The following CLIC5 variants were observed in gnomAD, a reference collection of about 807,000 sequenced individuals.
The protein encoded by CLIC5 is chloride intracellular channel protein 5.
CLIC5 carries 20 observed loss-of-function variants against 24.7 expected under a neutral mutation model. The ratio of observed to expected loss-of-function variants is 0.81; its 90% CI spans 0.57 to 1.18. CLIC5 has a LOEUF of 1.18. Among genes scored for constraint, CLIC5 ranks in the 50% most tolerant of loss-of-function variants. CLIC5 has a pLI of 0.00. For missense variants in CLIC5, 341 were observed against 326.1 expected, an observed-to-expected ratio of 1.05 and a Z score of -0.35; for synonymous variants, 159 against 135.6, an observed-to-expected ratio of 1.17 and a Z score of -1.20.
chr6:46,028,739 C>T (rs1395915042), intron 1 of CLIC5, among the ~76,000 whole-genome samples: 1 of 152,146 alleles, frequency 6.6e-6, no homozygotes. Context: ...GCACAGCCTC[C>T]CCCATTATCA....
intron 1 of CLIC5, among the ~76,000 whole-genome samples, chr6:45,968,216 TCTTGGCCAG>T: frequency 6.6e-6 from 1 of 152,154 alleles, no homozygotes; most frequent in African/African-American, 2.4e-5. Context: ...CCTCAGCCAC[TCTTGGCCAG>T]CATGCCTCTC....
upstream of CLIC5, chr6:46,015,985 G>T (rs1690498816): frequency 2.6e-6 from 2 of 783,048 alleles, no homozygotes; most frequent in Non-Finnish European, 3.1e-6. Flanking sequence ...CCCGCCCCAA[G>T]ACCCCGCAGG....
At chr6:46,075,774 C>T (rs138758476) in intron 1 of CLIC5, among the ~76,000 whole-genome samples, 50 of 152,266 alleles carry the variant, frequency 3.3e-4, no homozygotes, top group Non-Finnish European at 1.5e-4. Flanking sequence ...ATCTCTCTCA[C>T]CACCCATCCC....
intron 1 of CLIC5, among the ~76,000 whole-genome samples, chr6:45,979,805 T>C (rs949860142): frequency 6.6e-6 from 1 of 151,350 alleles, no homozygotes; most frequent in Non-Finnish European, 1.5e-5. Flanking sequence ...CATCATAGTA[T>C]GCAAATATTT....
chr6:45,954,318 G>A (rs2127385656), intron 2 of CLIC5, among the ~76,000 whole-genome samples: 1 of 150,126 alleles, frequency 6.7e-6, no homozygotes, highest in South Asian at 2.1e-4. Flanking sequence ...GAAGAAAAAA[G>A]GAGTTCAAGA....
At chr6:46,033,347 A>G (rs1465967624) in intron 1 of CLIC5, among the ~76,000 whole-genome samples, 2 of 151,802 alleles carry the variant, frequency 1.3e-5, no homozygotes, top group Non-Finnish European at 2.9e-5. Context: ...TTAAAGTATT[A>G]TAAGAAAACA....
the CLIC5 span, among the ~76,000 whole-genome samples, chr6:46,114,319 T>C: frequency 6.6e-6 from 1 of 152,218 alleles, no homozygotes; most frequent in South Asian, 2.1e-4. Context: ...TTGATGTGCA[T>C]GCGCAGCCCA....
chr6:45,942,446 A>G (rs1050686290), intron 3 of CLIC5, among the ~76,000 whole-genome samples: 2 of 152,134 alleles, frequency 1.3e-5, no homozygotes, highest in African/African-American at 4.8e-5. Flanking sequence ...CATTAGCCCC[A>G]TCAAAATGAA....
In CLIC5 at chr6:46,062,062, G is replaced by T. The variant is rs188528025; in HGVS notation, c.540+17641C>A. ...GTAGCTGTAGAGCACTTGAGATGTG[G>T]CTGGTGTGACTGAGGAGCTGCATTT... is the stretch of plus-strand genomic sequence containing the variant. On this transcript the variant is annotated intron_variant, in intron 1 of 5. Coordinates refer to the CLIC5 transcript ENST00000185206. Among the ~76,000 whole-genome samples, 430 of 152,340 alleles carry T rather than the reference G, an allele frequency of 2.8e-3. 2 individuals carry two copies. Among genetic ancestry groups the T allele is most frequent in the African/African-American group, 9.9e-3 (410 of 41,572 alleles).
chr6:45,962,623 G>T (rs983879404), intron 1 of CLIC5, among the ~76,000 whole-genome samples: 1 of 152,200 alleles, frequency 6.6e-6, no homozygotes, highest in African/African-American at 2.4e-5. Context: ...CTTGATTCAG[G>T]TAACCTATTA....
At chr6:45,947,321 A>G (rs895393793) in intron 3 of CLIC5, among the ~76,000 whole-genome samples, 2 of 152,082 alleles carry the variant, frequency 1.3e-5, no homozygotes, top group Non-Finnish European at 2.9e-5. Flanking sequence ...GGGCATGTGA[A>G]GAATCAGAGA....
At chr6:46,067,413 C>A (rs1446742853) in intron 1 of CLIC5, among the ~76,000 whole-genome samples, 5 of 152,164 alleles carry the variant, frequency 3.3e-5, no homozygotes, top group Non-Finnish European at 5.9e-5. Context: ...GATATTCTCT[C>A]CCGCAGGGTT....
At chr6:46,035,843 C>A (rs889842732) in intron 1 of CLIC5, among the ~76,000 whole-genome samples, 2 of 152,002 alleles carry the variant, frequency 1.3e-5, no homozygotes, top group African/African-American at 4.8e-5. Flanking sequence ...CTCCTAGGTT[C>A]AACTGATTCT....
At chr6:45,922,847 G>A (rs1763325083) in intron 4 of CLIC5, among the ~76,000 whole-genome samples, 1 of 151,916 alleles carries the variant, frequency 6.6e-6, no homozygotes. Flanking sequence ...GAGAGAGAGA[G>A]AGAGAGAGAG....
At chr6:45,997,820 A>G (rs1230876129) in intron 1 of CLIC5, among the ~76,000 whole-genome samples, 4 of 152,236 alleles carry the variant, frequency 2.6e-5, no homozygotes, top group African/African-American at 9.6e-5. Context: ...GAAAGTGGCT[A>G]ATGTGAAAGT....
At chr6:45,993,560 A>G (rs1056578672) in intron 1 of CLIC5, among the ~76,000 whole-genome samples, 4 of 150,652 alleles carry the variant, frequency 2.7e-5, no homozygotes, top group Admixed American at 2.0e-4. Context: ...GAGTTACATC[A>G]ACCACAGGAC....
intron 1 of CLIC5, chr6:46,079,590 T>G: frequency 1.5e-4 from 133 of 874,622 alleles, no homozygotes; most frequent in Middle Eastern, 6.9e-4. Flanking sequence ...GAATATGTAT[T>G]GAGATCCAAG....
chr6:46,090,024 C>T, the CLIC5 span, among the ~76,000 whole-genome samples: 1 of 152,052 alleles, frequency 6.6e-6, no homozygotes. Context: ...GGTGCATGTC[C>T]CCCAACAGCT....
chr6:45,978,174 G>A (rs565666798), intron 1 of CLIC5, among the ~76,000 whole-genome samples: 1 of 152,316 alleles, frequency 6.6e-6, no homozygotes, highest in East Asian at 1.9e-4. Flanking sequence ...TTTAGGGATA[G>A]TTTGTGGTGC....
Sources: gnomAD v4.1 joint callset for allele counts (sites outside exome capture counted in the v4.1 genomes callset) on GRCh38, gnomAD v4.1.1 for gene constraint, MANE v1.5 for transcripts, NCBI Gene and HGNC (gene_info 2026-07-23, HGNC 2026-07-21) for gene names.